Variants in RFX3 observed in about 807,000 individuals in gnomAD.
RFX3 encodes the protein regulatory factor X3.
Under a neutral mutation model 98.6 loss-of-function variants are expected in RFX3, and 14 were observed. That is an observed-to-expected ratio of 0.14 (90% CI 0.09 to 0.22). The LOEUF (loss-of-function observed/expected upper bound fraction) is 0.22. Ranked by LOEUF, RFX3 falls within the 10% of genes least tolerant of loss-of-function variation. The pLI, the probability that RFX3 is intolerant of heterozygous loss-of-function variation, is 1.00. For missense variants in RFX3, 639 were observed against 926.9 expected (o/e 0.69, Z 4.03); for synonymous variants, 383 against 328.4 (o/e 1.17, Z -1.80).
chr9:3,242,604 C>A (rs1409673548), intron 15 of RFX3, among the ~76,000 whole-genome samples: 1 of 152,082 alleles, frequency 6.6e-6, no homozygotes, highest in Non-Finnish European at 1.5e-5. Flanking sequence ...GAATGTAATT[C>A]TACTTCCACC....
intron 1 of RFX3, among the ~76,000 whole-genome samples, chr9:3,427,824 C>G (rs1844263404): frequency 6.6e-6 from 1 of 152,122 alleles, no homozygotes; most frequent in Non-Finnish European, 1.5e-5. Context: ...TCAGCCATGA[C>G]TTGAAGGGAA....
At chr9:3,505,225 TATATGA>T (rs1448571580) in intron 1 of RFX3, among the ~76,000 whole-genome samples, 14,542 of 95,422 alleles carry the variant, frequency 0.15, 2,642 homozygotes, top group East Asian at 0.57. Flanking sequence ...TATATATTTA[TATATGA>T]ATATATATTT....
intron 3 of RFX3, chr9:3,344,615 C>G (rs1041565733): frequency 1.9e-6 from 1 of 535,824 alleles, no homozygotes; most frequent in Non-Finnish European, 3.3e-6. Context: ...GCCCTTTTCC[C>G]TTGTCACATT....
intron 1 of RFX3, among the ~76,000 whole-genome samples, chr9:3,454,372 T>C (rs1408038776): frequency 6.6e-6 from 1 of 152,214 alleles, no homozygotes; most frequent in African/African-American, 2.4e-5. Flanking sequence ...TACCAAAAGA[T>C]ATATTGAGAA....
intron 1 of RFX3, among the ~76,000 whole-genome samples, chr9:3,398,058 G>A (rs1841077369): frequency 1.3e-5 from 2 of 152,144 alleles, no homozygotes; most frequent in South Asian, 4.1e-4. Flanking sequence ...TTTTCCGAAA[G>A]AAACTGAAAG....
intron 1 of RFX3, among the ~76,000 whole-genome samples, chr9:3,460,089 T>C (rs944465277): frequency 1.3e-5 from 2 of 152,068 alleles, no homozygotes; most frequent in Admixed American, 6.6e-5. Context: ...GACCCCAGTC[T>C]GGTATCTTTC....
chr9:3,311,905 G>A lies in RFX3; in HGVS notation c.475-10285C>T, dbSNP rs7851655. Among the ~76,000 whole-genome samples, 698 of 151,950 alleles carry A rather than the reference G, an allele frequency of 4.6e-3. 8 individuals carry two copies. Among genetic ancestry groups the A allele is most frequent in the African/African-American group, 0.016 (672 of 41,428 alleles). On this transcript the variant is annotated intron_variant, in intron 4 of 16. Transcript: ENST00000617270. Reference sequence around the variant, plus strand: ...CCCACCCCCCTACTCCCCCAAAAAAGAAATGCCAAACAAAACAAACCTCTA... The same window carrying A: ...CCCACCCCCCTACTCCCCCAAAAAAAAAATGCCAAACAAAACAAACCTCTA...
rs200669491 is a variant in RFX3 at position 3,356,973 on chromosome 9, GCACACACACACA to G, written c.118-10221_118-10210del. On this transcript the variant is annotated intron_variant, in intron 2 of 16. Transcript: ENST00000617270. ...CACACATACACACATGCACACACAC[GCACACACACACA>G]CACACACACACACTCAGTAAGCTAA... 3.1e-5 allele frequency among the ~76,000 whole-genome samples: 4 copies of G among 128,968 alleles called. No homozygotes were observed. The East Asian group carries it at 8.4e-4, about 27-fold the overall frequency. 84.6% of individuals were successfully genotyped at this position (128,968 alleles called of 152,430 possible). A position where few individuals can be genotyped will look rare whatever the true frequency, so the allele number is the denominator to read the frequency against.
At position 3,330,340 on chromosome 9, in the gene RFX3, A is replaced by T. The variant is rs901238035; in HGVS notation, c.393T>A (p.Ser131=). ...AGTTGCCGATCAGATAGGTTCCTCC[A>T]GAGCTGCTGATGAGTTGTCCTCCTG... The part of the protein sequence containing the change: ...GVTGGQLISS[S]GGTYLIGNSM... The change falls in exon 4 of 17, where the codon TCT becomes TCA. Residue 131 remains serine (S), a synonymous_variant. Coordinates refer to ENST00000617270, the MANE Select transcript of RFX3 (RefSeq NM_001282116.2). 24 of 1,613,902 alleles carry T rather than the reference A, an allele frequency of 1.5e-5. No homozygotes were observed. Among genetic ancestry groups the T allele is most frequent in the Non-Finnish European group, 2.0e-5 (24 of 1,179,900 alleles).
intron 1 of RFX3, among the ~76,000 whole-genome samples, chr9:3,427,480 TATA>T (rs944490830): frequency 7.3e-6 from 1 of 137,348 alleles, no homozygotes; most frequent in African/African-American, 3.0e-5. Flanking sequence ...TATATTGTTA[TATA>T]ATAATACAAT....
chr9:3,453,558 A>T (rs1846869648), intron 1 of RFX3: 1 of 152,490 alleles, frequency 6.6e-6, no homozygotes, highest in Non-Finnish European at 1.5e-5. Flanking sequence ...AAAAATACAA[A>T]AATTAGCCAG....
intron 4 of RFX3, among the ~76,000 whole-genome samples, chr9:3,318,312 A>T (rs1277657302): frequency 3.3e-5 from 5 of 152,152 alleles, no homozygotes; most frequent in Non-Finnish European, 7.3e-5. Flanking sequence ...CATAGGTGGG[A>T]ACTGAACAAT....
chr9:3,256,504 C>G (rs1237233895), intron 14 of RFX3, among the ~76,000 whole-genome samples: 1 of 152,136 alleles, frequency 6.6e-6, no homozygotes, highest in Non-Finnish European at 1.5e-5. Flanking sequence ...GGTTCTGATA[C>G]AGGTAGATTT....
At chr9:3,509,970 C>T (rs954897722) in intron 1 of RFX3, among the ~76,000 whole-genome samples, 1 of 151,864 alleles carries the variant, frequency 6.6e-6, no homozygotes, top group Non-Finnish European at 1.5e-5. Flanking sequence ...GATAACTTCC[C>T]AAGTCCATTC....
intron 15 of RFX3, among the ~76,000 whole-genome samples, chr9:3,238,053 G>C (rs1819408445): frequency 1.3e-5 from 2 of 152,048 alleles, no homozygotes; most frequent in Admixed American, 6.5e-5. Context: ...TGAACAGACA[G>C]TTCACAACGT....
chr9:3,321,887 T>C (rs1400046535), intron 4 of RFX3, among the ~76,000 whole-genome samples: 1 of 152,146 alleles, frequency 6.6e-6, no homozygotes, highest in Non-Finnish European at 1.5e-5. Flanking sequence ...CATTTACTGA[T>C]AATCCATGAC....
At chr9:3,418,843 G>A (rs867509149) in intron 1 of RFX3, among the ~76,000 whole-genome samples, 44 of 152,230 alleles carry the variant, frequency 2.9e-4, no homozygotes, top group Middle Eastern at 6.8e-3. Flanking sequence ...AAACAAAGCT[G>A]GGGCAATCTC....
In RFX3 at chr9:3,525,792, G is replaced by C; in HGVS notation, c.-54C>G. On this transcript the variant is annotated 5_prime_UTR_variant, in exon 1 of 17. Coordinates refer to ENST00000617270, the MANE Select transcript of RFX3 (RefSeq NM_001282116.2). ...GTGTTGTTGGTGGGTGATGGAGATG[G>C]TGGTGGTGGGGAGGAGGAGGAGGAA... is the stretch of plus-strand genomic sequence containing the variant. The C allele has an allele frequency of 3.6e-6, 2 of 562,622 alleles. No individual in the cohort carries two copies. The highest frequency in any genetic ancestry group is 4.5e-6 in the Non-Finnish European group (2 of 442,952). The allele number at this position is 562,622 out of a possible 1,614,324, so 34.9% of individuals were successfully genotyped here.
intron 8 of RFX3, 60 bp downstream of exon 8, chr9:3,277,280 A>T: frequency 5.1e-6 from 8 of 1,562,574 alleles, no homozygotes; most frequent in Non-Finnish European, 7.0e-6. Context: ...TTGCACTTGG[A>T]GAAAAGACTA....
Sources: allele counts gnomAD v4.1 joint callset (sites outside exome capture counted in the v4.1 genomes callset), GRCh38; gene constraint gnomAD v4.1.1; transcripts MANE v1.5; gene names NCBI Gene and HGNC (gene_info 2026-07-23, HGNC 2026-07-21).